The following KIAA0319L variants were observed in gnomAD, a reference collection of about 807,000 sequenced individuals.
The protein encoded by KIAA0319L is dyslexia-associated protein KIAA0319-like protein.
Under a neutral mutation model 120.1 loss-of-function variants are expected in KIAA0319L, and 55 were observed. The observed-to-expected ratio is 0.46, with a 90% CI of 0.37 to 0.57. KIAA0319L has a LOEUF of 0.57. Among genes scored for constraint, KIAA0319L ranks in the 20% least tolerant of loss-of-function variants. The pLI, the probability that KIAA0319L is intolerant of heterozygous loss-of-function variation, is 0.00. For synonymous variants in KIAA0319L, 398 were observed against 471.9 expected (o/e 0.84, Z 2.03); for missense variants, 1,049 against 1,255.3 (o/e 0.84, Z 2.48).
chr1:35,533,346 T>G (rs372075953), intron 2 of KIAA0319L: 2 of 151,998 alleles, frequency 1.3e-5, no homozygotes, highest in East Asian at 3.9e-4. Flanking sequence ...AAGGCTGTGA[T>G]GGTGGAAATA....
chr1:35,495,046 TA>T (rs1186633582), intron 3 of KIAA0319L, among the ~76,000 whole-genome samples: 1 of 152,076 alleles, frequency 6.6e-6, no homozygotes, highest in Non-Finnish European at 1.5e-5. Context: ...ATGTACAAAA[TA>T]ACCCTAGACC....
chr1:35,440,290 C>T (rs760794576), intron 20 of KIAA0319L: 2 of 152,202 alleles, frequency 1.3e-5, no homozygotes, highest in Non-Finnish European at 2.9e-5. Context: ...ACTCCCTATA[C>T]CCCCATAGCC....
At chr1:35,523,200 T>G (rs1018449848) in intron 2 of KIAA0319L, among the ~76,000 whole-genome samples, 2 of 151,934 alleles carry the variant, frequency 1.3e-5, no homozygotes, top group African/African-American at 4.8e-5. Context: ...TACCTAGAAC[T>G]CTCTTGACTC....
intron 5 of KIAA0319L, among the ~76,000 whole-genome samples, chr1:35,472,368 T>G (rs543078092): frequency 2.0e-5 from 3 of 152,306 alleles, no homozygotes; most frequent in Non-Finnish European, 4.4e-5. Flanking sequence ...CTCAGCTCAC[T>G]GCAACCTCTG....
intron 4 of KIAA0319L, among the ~76,000 whole-genome samples, chr1:35,477,852 A>C (rs1362584463): frequency 6.6e-6 from 1 of 152,080 alleles, no homozygotes; most frequent in Non-Finnish European, 1.5e-5. Flanking sequence ...GAGGTTCCTC[A>C]AAAAAATAAA....
rs1414704674 is a variant in KIAA0319L, at chr1:35,513,288, A to ATATATATATATT, written c.143-6154_143-6153insAATATATATATA. Among the ~76,000 whole-genome samples the ATATATATATATT allele has an allele frequency of 5.9e-5, 5 of 85,300 alleles. No homozygotes were observed. In the East Asian group the frequency reaches 8.8e-4, roughly 15 times the overall value. 56.0% of individuals were successfully genotyped at this position (85,300 alleles called of 152,430 possible). ...ATAACATATATATATATATATATAT[A>ATATATATATATT]TTTTTTTTTTTTTTTTTTTCTGTCC... On this transcript the variant is annotated intron_variant, in intron 2 of 20. Transcript: ENST00000325722.
In KIAA0319L at chr1:35,441,080, C is replaced by T; in HGVS notation, c.2929G>A (p.Glu977Lys). ...GAGGTTGGCTTCAGCTCCAGGCTTT[C>T]CTGATCCGTGGCATCCAGGATCTTG... ...KYKILDATDQ[E>K]SLELKPTSRA... The change falls in exon 20 of 21, where the codon GAA becomes AAA. Residue 977 changes from glutamate to lysine, a missense_variant. Transcript: ENST00000325722. The T allele has an allele frequency of 1.9e-6, 3 of 1,614,196 alleles. No homozygotes were observed. The highest frequency in any genetic ancestry group is 2.5e-6 in the Non-Finnish European group (3 of 1,180,040).
At chr1:35,526,448 T>C (rs1481383776) in intron 2 of KIAA0319L, among the ~76,000 whole-genome samples, 1 of 146,844 alleles carries the variant, frequency 6.8e-6, no homozygotes, top group Admixed American at 6.9e-5. Flanking sequence ...TATATATATA[T>C]ATTTGTGGGT....
intron 2 of KIAA0319L, among the ~76,000 whole-genome samples, chr1:35,536,270 GCCTTTC>G (rs1355253438): frequency 6.6e-6 from 1 of 152,230 alleles, no homozygotes; most frequent in Non-Finnish European, 1.5e-5. Flanking sequence ...CTGGGAAACA[GCCTTTC>G]CTGTCTAAAC....
chr1:35,501,261 A>G (rs1558499676), intron 3 of KIAA0319L, among the ~76,000 whole-genome samples: 1 of 152,184 alleles, frequency 6.6e-6, no homozygotes, highest in Non-Finnish European at 1.5e-5. Context: ...AATTTTCACC[A>G]TCCTCCAGGA....
In KIAA0319L at chr1:35,496,947, CAAAAAAAAAAAA is replaced by C. The variant is rs754043280; in HGVS notation, c.666+9653_666+9664del. ...GAGCAACAGAGTGAGATTGTGTCTCCAAAAAAAAAAAAAAAAAAAAAAAGCAGCTACTGGCAT... is the reference window on the plus strand; with the variant it reads ...GAGCAACAGAGTGAGATTGTGTCTCCAAAAAAAAAAAGCAGCTACTGGCAT... On this transcript the variant is annotated intron_variant, in intron 3 of 20. Transcript: ENST00000325722. Among the ~76,000 whole-genome samples, 3 of 50,228 alleles carry C rather than the reference CAAAAAAAAAAAA, an allele frequency of 6.0e-5. No individual in the cohort carries two copies. The South Asian group carries it at 2.3e-3, about 38-fold the overall frequency. The allele number at this position is 50,228 out of a possible 152,430, so 33.0% of individuals were successfully genotyped here. A position where few individuals can be genotyped will look rare whatever the true frequency, so the allele number is the denominator to read the frequency against.
Position 35,435,095 on chromosome 1 carries a change from A to C in KIAA0319L, c.2963-14T>G, listed in dbSNP as rs1397164569. ...TCTGTTTGATGCCTGCAGGGAAAACAAGGAATCCAGCATCAGGAGACTGGC... is the reference window on the plus strand; with the variant it reads ...TCTGTTTGATGCCTGCAGGGAAAACCAGGAATCCAGCATCAGGAGACTGGC... On this transcript the variant is annotated splice_polypyrimidine_tract_variant and intron_variant, in intron 20 of 20. Transcript: ENST00000325722. 6.2e-7 allele frequency: 1 copy of C among 1,612,166 alleles called. No individual in the cohort carries two copies. The highest frequency in any genetic ancestry group is 8.5e-7 in the Non-Finnish European group (1 of 1,178,798).
intron 2 of KIAA0319L, among the ~76,000 whole-genome samples, chr1:35,551,024 G>GTA (rs1479475433): frequency 6.6e-6 from 1 of 152,202 alleles, no homozygotes; most frequent in Non-Finnish European, 1.5e-5. Context: ...CTATCTAAGT[G>GTA]TATCCTTCAG....
At chr1:35,505,917 G>T (rs546784093) in intron 3 of KIAA0319L, among the ~76,000 whole-genome samples, 1 of 152,358 alleles carries the variant, frequency 6.6e-6, no homozygotes, top group East Asian at 1.9e-4. Flanking sequence ...GCTTCAACTT[G>T]ATAGAGACAA....
intron 2 of KIAA0319L, among the ~76,000 whole-genome samples, chr1:35,518,883 A>C (rs1230782523): frequency 6.6e-6 from 1 of 151,696 alleles, no homozygotes; most frequent in Non-Finnish European, 1.5e-5. Context: ...GGGCACCTGT[A>C]ATCCCAGCTA....
intron 3 of KIAA0319L, among the ~76,000 whole-genome samples, chr1:35,501,173 G>T (rs1259073000): frequency 6.6e-6 from 1 of 152,124 alleles, no homozygotes; most frequent in Non-Finnish European, 1.5e-5. Flanking sequence ...TAAACTAGAA[G>T]AAAGAATTCT....
chr1:35,453,549 AT>A lies in KIAA0319L; in HGVS notation c.1913+7del, dbSNP rs562621166. The A allele has an allele frequency of 8.7e-5, 141 of 1,613,986 alleles. No individual in the cohort carries two copies. In the African/African-American group the frequency reaches 1.8e-3, roughly 21 times the overall value. ...TTGCAAAAATAAGGATTTTGTGTCA[AT>A]ACTCACTGTGTTTTTTCCCAGAGAT... On this transcript the variant is annotated splice_region_variant and intron_variant, in intron 12 of 20. Coordinates refer to ENST00000325722, the MANE Select transcript of KIAA0319L (RefSeq NM_024874.5). This position sits in a 1 kb window ranked among gnomAD's most constrained non-coding sequence, Gnocchi z 4.1.
intron 16 of KIAA0319L, among the ~76,000 whole-genome samples, chr1:35,446,791 T>C (rs950838887): frequency 2.0e-5 from 3 of 152,186 alleles, no homozygotes; most frequent in Admixed American, 6.5e-5. Flanking sequence ...CTTAGCTCTC[T>C]CCTAGTGAGA....
At chr1:35,459,335 G>A (rs930113813) in intron 9 of KIAA0319L, among the ~76,000 whole-genome samples, 7 of 152,094 alleles carry the variant, frequency 4.6e-5, no homozygotes, top group East Asian at 1.9e-4. Context: ...GGCCAGGCAC[G>A]GTGGCTCACA....
Sources: gnomAD v4.1 joint callset for allele counts (sites outside exome capture counted in the v4.1 genomes callset) on GRCh38, gnomAD v4.1.1 for gene constraint, Gnocchi (gnomAD v3.1) non-coding constraint, MANE v1.5 for transcripts, NCBI Gene and HGNC (gene_info 2026-07-23, HGNC 2026-07-21) for gene names.